Variants in FAM114A2 observed in about 807,000 individuals in gnomAD.
The protein encoded by FAM114A2 is family with sequence similarity 114 member A2.
Under a neutral mutation model 58.4 loss-of-function variants are expected in FAM114A2, and 53 were observed. That is an observed-to-expected ratio of 0.91 (90% CI 0.73 to 1.14). The LOEUF is 1.14. Among genes scored for constraint, FAM114A2 ranks in the 50% most tolerant of loss-of-function variants. FAM114A2 has a pLI of 0.00. For missense variants in FAM114A2, 601 were observed against 581.1 expected, an observed-to-expected ratio of 1.03 and a Z score of -0.35; for synonymous variants, 228 against 211.4, an observed-to-expected ratio of 1.08 and a Z score of -0.68.
At chr5:154,007,198 TA>T (rs1770411071) in intron 9 of FAM114A2, among the ~76,000 whole-genome samples, 1 of 152,328 alleles carries the variant, frequency 6.6e-6, no homozygotes, top group Admixed American at 6.5e-5. Flanking sequence ...CAAGGTAATT[TA>T]TTATCCTTTC....
chr5:154,000,705 T>C (rs1290192332), intron 11 of FAM114A2, among the ~76,000 whole-genome samples: 1 of 152,172 alleles, frequency 6.6e-6, no homozygotes, highest in Non-Finnish European at 1.5e-5. Context: ...GCACTCATGC[T>C]ACATAAAAAG....
At chr5:154,019,834 G>A (rs1771284686) in intron 8 of FAM114A2, among the ~76,000 whole-genome samples, 1 of 151,986 alleles carries the variant, frequency 6.6e-6, no homozygotes, top group Non-Finnish European at 1.5e-5. Context: ...GCCACATGTA[G>A]GAGAATGAAA....
At chr5:154,014,778 T>C (rs1037383449) in intron 8 of FAM114A2, among the ~76,000 whole-genome samples, 1 of 151,930 alleles carries the variant, frequency 6.6e-6, no homozygotes, top group African/African-American at 2.4e-5. Context: ...TCGCAACAAT[T>C]TGAACTGATG....
In FAM114A2 at chr5:154,034,378, C is replaced by T; in HGVS notation, c.211-1G>A. On this transcript the variant is annotated splice_acceptor_variant, in intron 2 of 13. Transcript: ENST00000351797. LOFTEE classifies it high-confidence loss of function. ...GGGGTACATCTTTGGAAACATTATC[C>T]TAATTTCCCAGTAGGCAGAAAAACA... is the stretch of plus-strand genomic sequence containing the variant. The T allele has an allele frequency of 6.5e-7, 1 of 1,544,766 alleles. No homozygotes were observed. The highest frequency in any genetic ancestry group is 8.7e-7 in the Non-Finnish European group (1 of 1,144,510).
rs766115411 is a variant in FAM114A2 at position 154,028,210 on chromosome 5, T to G, written c.569A>C (p.Glu190Ala). Reference protein sequence around the residue: ...IGKKTMDVIAEGDPGFKRTKG... With the variant: ...IGKKTMDVIAAGDPGFKRTKG... ...GGTTCTTTTAAATCCAGGATCCCCT[T>G]CTGCTATCACATCCATTGTCTTTTT... The change falls in exon 6 of 14, where the codon GAA becomes GCA. Residue 190 changes from glutamate to alanine, a missense_variant. Transcript: ENST00000351797. 1 of 1,612,126 alleles carries G rather than the reference T, an allele frequency of 6.2e-7. No homozygotes were observed. The highest frequency in any genetic ancestry group is 8.5e-7 in the Non-Finnish European group (1 of 1,178,334).
In FAM114A2 at chr5:153,992,926, G is replaced by A; in HGVS notation, c.*50C>T. ...ATTTCTGCAGGAGTAGCCAGAATAAGGTGGCATTCCTTGGCCGTCACAAGT... is the reference window on the plus strand; with the variant it reads ...ATTTCTGCAGGAGTAGCCAGAATAAAGTGGCATTCCTTGGCCGTCACAAGT... On this transcript the variant is annotated 3_prime_UTR_variant, in exon 14 of 14. Coordinates refer to ENST00000351797, the MANE Select transcript of FAM114A2 (RefSeq NM_018691.4). 1 of 1,568,092 alleles carries A rather than the reference G, an allele frequency of 6.4e-7. No individual in the cohort carries two copies. Among genetic ancestry groups the A allele is most frequent in the Non-Finnish European group, 8.7e-7 (1 of 1,146,768 alleles).
chr5:154,023,817 G>A (rs917305042), intron 8 of FAM114A2, among the ~76,000 whole-genome samples: 2 of 151,774 alleles, frequency 1.3e-5, no homozygotes, highest in Admixed American at 6.6e-5. Flanking sequence ...AAAAGCACTG[G>A]TAAAGATAAC....
rs10463337 is a variant in FAM114A2, at chr5:154,006,768, T to C, written c.994-3799A>G. On this transcript the variant is annotated intron_variant, in intron 9 of 13. Coordinates refer to ENST00000351797, the MANE Select transcript of FAM114A2 (RefSeq NM_018691.4). ...TAGACCACATAAAAGAAAAAACGGA[T>C]ACCATAAATTTAATATACCCAAAGG... 2.7e-5 allele frequency among the ~76,000 whole-genome samples: 4 copies of C among 150,130 alleles called. No individual in the cohort carries two copies. In the East Asian group the frequency reaches 5.9e-4, roughly 22 times the overall value.
At chr5:154,000,206 C>T (rs940341792) in intron 11 of FAM114A2, among the ~76,000 whole-genome samples, 3 of 151,826 alleles carry the variant, frequency 2.0e-5, no homozygotes, top group African/African-American at 4.8e-5. Flanking sequence ...AAGGTGGGTG[C>T]GTGAGTGGGT....
rs1554081252 is a variant in FAM114A2, at chr5:154,003,177, G to GTTT, written c.994-209_994-208insAAA. On this transcript the variant is annotated intron_variant, in intron 9 of 13. Transcript: ENST00000351797. The stretch of plus-strand genomic sequence containing the variant: ...CCTTTTCAAAATTCTCTAATTGGTA[G>GTTT]TATTTTTTTTTTTTTTTTGAGATGG... Among the ~76,000 whole-genome samples, 16 of 134,876 alleles carry GTTT rather than the reference G, an allele frequency of 1.2e-4. 1 individual carries two copies. The highest frequency in any genetic ancestry group is 3.5e-4 in the African/African-American group (13 of 36,654). The allele number at this position is 134,876 out of a possible 152,430, so 88.5% of individuals were successfully genotyped here. A position where few individuals can be genotyped will look rare whatever the true frequency, so the allele number is the denominator to read the frequency against.
chr5:154,026,552 G>A, intron 7 of FAM114A2, 30 bp from the exon 8 acceptor site: 1 of 1,406,764 alleles, frequency 7.1e-7, no homozygotes, highest in Non-Finnish European at 9.4e-7. Context: ...AAATGTTGTA[G>A]GAGTATGAAA....
chr5:154,018,733 G>A (rs894154185), intron 8 of FAM114A2, among the ~76,000 whole-genome samples: 3 of 152,078 alleles, frequency 2.0e-5, no homozygotes, highest in Non-Finnish European at 1.5e-5. Flanking sequence ...TTCATACTAG[G>A]GATGCAGGGA....
Position 153,993,052 on chromosome 5 carries a change from T to C in FAM114A2, c.1442A>G (p.Glu481Gly). 1 of 1,613,464 alleles carries C rather than the reference T, an allele frequency of 6.2e-7. No individual in the cohort carries two copies. Among genetic ancestry groups the C allele is most frequent in the Non-Finnish European group, 8.5e-7 (1 of 1,179,456 alleles). ...DAFQLLLPVLEISLIENKIES... is the reference protein window; with the variant it reads ...DAFQLLLPVLGISLIENKIES... ...AATCTTGTTCTCAATGAGAGAGATC[T>C]CTAGCACAGGTAAGAGTAGCTGAAA... The change falls in exon 14 of 14, where the codon GAG becomes GGG. Residue 481 changes from glutamate (E) to glycine (G), a missense_variant. Coordinates refer to ENST00000351797, the MANE Select transcript of FAM114A2 (RefSeq NM_018691.4).
Position 154,011,276 on chromosome 5 carries a change from G to C in FAM114A2, c.958C>G (p.Leu320Val). The C allele has an allele frequency of 1.2e-6, 2 of 1,612,468 alleles. No homozygotes were observed. The highest frequency in any genetic ancestry group is 8.5e-7 in the Non-Finnish European group (1 of 1,179,124). ...TTCTCTGGTTTGGAGGAAACGTGCA[G>C]CTGGGAAAACAGCTCTGTTATGTCC... The part of the protein sequence containing the change: ...TKDITELFSQ[L>V]HVSSKPEKLA... The change falls in exon 9 of 14, where the codon CTG (leucine) becomes GTG (valine). Residue 320 changes from leucine to valine, a missense_variant. Coordinates refer to ENST00000351797, the MANE Select transcript of FAM114A2 (RefSeq NM_018691.4).
At chr5:153,998,357 T>A (rs796577193) in intron 11 of FAM114A2, among the ~76,000 whole-genome samples, 22 of 152,350 alleles carry the variant, frequency 1.4e-4, no homozygotes, top group African/African-American at 5.3e-4. Context: ...ATATGTCCCC[T>A]CTAAAATTCA....
chr5:154,026,449 T>G lies in FAM114A2; in HGVS notation c.863A>C (p.Glu288Ala), dbSNP rs767891742. 4 of 1,582,276 alleles carry G rather than the reference T, an allele frequency of 2.5e-6. No homozygotes were observed. In the Admixed American group the frequency reaches 5.5e-5, roughly 22 times the overall value. Residue 288 changes from glutamate (E) to alanine (A), a missense_variant, in exon 8 of 14, where the codon GAA (glutamate) becomes GCA (alanine). By Grantham distance (107) the Glu-to-Ala change is moderately radical. Transcript: ENST00000351797. ...ACAAAATTCTGCTAGAGAAAATGTT[T>G]CTTTGAGTTGCTCTAATTCAACTTT... ...TLKVELEQLK[E>A]TFSLAEFCEE...
chr5:154,018,545 T>G (rs1368768578), intron 8 of FAM114A2, among the ~76,000 whole-genome samples: 1 of 152,122 alleles, frequency 6.6e-6, no homozygotes, highest in Non-Finnish European at 1.5e-5. Context: ...GAACCCTCAC[T>G]AAATCATTCT....
At chr5:154,021,264 C>T (rs1771402496) in intron 8 of FAM114A2, among the ~76,000 whole-genome samples, 1 of 152,184 alleles carries the variant, frequency 6.6e-6, no homozygotes, top group Non-Finnish European at 1.5e-5. Context: ...TCTCACCGCT[C>T]CTATTCAACA....
intron 8 of FAM114A2, among the ~76,000 whole-genome samples, chr5:154,021,022 G>A (rs770115447): frequency 2.0e-5 from 3 of 151,972 alleles, no homozygotes; most frequent in Admixed American, 1.3e-4. Flanking sequence ...AATCCATCAC[G>A]TAAACAGAAC....
Sources: allele counts gnomAD v4.1 joint callset (sites outside exome capture counted in the v4.1 genomes callset), GRCh38; gene constraint gnomAD v4.1.1; transcripts MANE v1.5; gene names NCBI Gene and HGNC (gene_info 2026-07-23, HGNC 2026-07-21).